IL1RAPL1: variants seen among roughly 807,000 people sequenced by gnomAD.
IL1RAPL1 encodes interleukin-1 receptor accessory protein-like 1.
Under a neutral mutation model 48.4 loss-of-function variants are expected in IL1RAPL1, and 3 were observed. The ratio of observed to expected loss-of-function variants is 0.06; its 90% CI spans 0.03 to 0.16. IL1RAPL1 has a LOEUF of 0.16. Ranked by LOEUF, IL1RAPL1 falls within the 10% of genes least tolerant of loss-of-function variation. The pLI is 1.00. For missense variants in IL1RAPL1, 349 were observed against 530.6 expected, an observed-to-expected ratio of 0.66 and a Z score of 3.36; for synonymous variants, 185 against 187.7, an observed-to-expected ratio of 0.99 and a Z score of 0.12.
intron 2 of IL1RAPL1, among the ~76,000 whole-genome samples, chrX:28,915,644 C>T (rs1923471185): frequency 9.0e-6 from 1 of 111,055 alleles, no homozygotes; most frequent in South Asian, 3.8e-4. Flanking sequence ...GAGATTTGAT[C>T]CCAACAGTGT....
intron 6 of IL1RAPL1, among the ~76,000 whole-genome samples, chrX:29,913,310 C>T (rs1176335818): frequency 1.8e-5 from 2 of 110,267 alleles, no homozygotes; most frequent in African/African-American, 6.6e-5. Context: ...CAAAGCACTG[C>T]TCAAATTGAC....
At chrX:29,036,502 G>A (rs948887007) in intron 2 of IL1RAPL1, among the ~76,000 whole-genome samples, 1 of 111,992 alleles carries the variant, frequency 8.9e-6, no homozygotes, top group Admixed American at 9.5e-5. Flanking sequence ...AAACAATTTG[G>A]TTTTAGTTTA....
chrX:28,750,872 C>T (rs1265969726), intron 1 of IL1RAPL1, among the ~76,000 whole-genome samples: 1 of 111,920 alleles, frequency 8.9e-6, no homozygotes, highest in Non-Finnish European at 1.9e-5. Flanking sequence ...AAATGTTTGT[C>T]AGTAGTACTG....
At chrX:29,853,977 T>A (rs1435252445) in intron 6 of IL1RAPL1, among the ~76,000 whole-genome samples, 1 of 112,315 alleles carries the variant, frequency 8.9e-6, no homozygotes, top group Non-Finnish European at 1.9e-5. Context: ...GTGACTAACG[T>A]ATTTTGTTTT....
chrX:29,392,013 C>T (rs1933860208), intron 3 of IL1RAPL1, among the ~76,000 whole-genome samples: 9 of 112,069 alleles, frequency 8.0e-5, no homozygotes, highest in Admixed American at 4.7e-4. Context: ...GTGGACCTCA[C>T]GGTCACCCTT....
At position 28,831,014 on chromosome X, in the gene IL1RAPL1, CTCTCTCTCTCTCTGTG is replaced by C. The variant is rs1921031131; in HGVS notation, c.82+41591_82+41606del. On this transcript the variant is annotated intron_variant, in intron 2 of 10. Transcript: ENST00000378993. ...GGTTTCTCTCTCTCTCTCTCTCTCT[CTCTCTCTCTCTCTGTG>C]TGTGTGTGTGTGTGTGTGTGTGTGT... Among the ~76,000 whole-genome samples the C allele has an allele frequency of 4.7e-5, 3 of 63,381 alleles. No individual in the cohort carries two copies. In the Admixed American group the frequency reaches 6.1e-4, roughly 13 times the overall value. 55.0% of individuals were successfully genotyped at this position (63,381 alleles called of 115,157 possible).
At position 28,844,755 on chromosome X, in the gene IL1RAPL1, CTA is replaced by C. The variant is rs748003559; in HGVS notation, c.82+55334_82+55335del. ...TTTAATAGAAACAAAGTATTTGTCT[CTA>C]TATTTTTATGGTTGAAAATGTGACT... On this transcript the variant is annotated intron_variant, in intron 2 of 10. Transcript: ENST00000378993. Among the ~76,000 whole-genome samples the C allele has an allele frequency of 1.1e-4, 12 of 111,100 alleles. No individual in the cohort carries two copies. In the East Asian group the frequency reaches 3.4e-3, roughly 32 times the overall value.
At chrX:29,373,867 AT>A (rs59750110) in intron 3 of IL1RAPL1, among the ~76,000 whole-genome samples, 41 of 21,642 alleles carry the variant, frequency 1.9e-3, no homozygotes, top group African/African-American at 6.4e-3. Context: ...TCTCTTTTTA[AT>A]TTTTTTTTTT....
At chrX:29,880,206 G>C (rs1931996768) in intron 6 of IL1RAPL1, among the ~76,000 whole-genome samples, 1 of 111,238 alleles carries the variant, frequency 9.0e-6, no homozygotes, top group African/African-American at 3.3e-5. Context: ...TTAAAAACGA[G>C]GGCATGATAT....
intron 2 of IL1RAPL1, chrX:28,982,872 C>G (rs1410231628): frequency 9.0e-6 from 1 of 110,581 alleles, no homozygotes; most frequent in Non-Finnish European, 1.9e-5. Flanking sequence ...ACCCGGTATT[C>G]CCAGGCACTC....
chrX:28,797,662 A>G (rs1936629206), intron 2 of IL1RAPL1, among the ~76,000 whole-genome samples: 2 of 111,655 alleles, frequency 1.8e-5, no homozygotes, highest in Admixed American at 9.5e-5. Context: ...ATTTTTGTCA[A>G]AGTCATTCAG....
At chrX:28,874,487 A>G (rs1030632810) in intron 2 of IL1RAPL1, among the ~76,000 whole-genome samples, 5 of 112,271 alleles carry the variant, frequency 4.5e-5, no homozygotes, top group African/African-American at 1.6e-4. Context: ...TGATAAAGAA[A>G]CATTCAATCA....
At chrX:28,825,334 G>A (rs1243518562) in intron 2 of IL1RAPL1, among the ~76,000 whole-genome samples, 1 of 111,292 alleles carries the variant, frequency 9.0e-6, no homozygotes, top group African/African-American at 3.3e-5. Context: ...CTTTGACAGA[G>A]AATGGCACAA....
intron 2 of IL1RAPL1, among the ~76,000 whole-genome samples, chrX:29,237,364 G>C (rs1327769716): frequency 8.9e-6 from 1 of 112,057 alleles, no homozygotes; most frequent in East Asian, 2.8e-4. Context: ...ACAGCTGCAA[G>C]CATAGTTAGT....
intron 2 of IL1RAPL1, among the ~76,000 whole-genome samples, chrX:28,913,141 G>T (rs1923401127): frequency 9.0e-6 from 1 of 111,376 alleles, no homozygotes; most frequent in African/African-American, 3.3e-5. Flanking sequence ...ATGAGCAAAA[G>T]GACTTAATAA....
At chrX:28,840,330 C>T (rs754877520) in intron 2 of IL1RAPL1, among the ~76,000 whole-genome samples, 8 of 110,668 alleles carry the variant, frequency 7.2e-5, no homozygotes, top group African/African-American at 2.6e-4. Context: ...ATTCAGATTT[C>T]ACCAGCAAGC....
intron 5 of IL1RAPL1, among the ~76,000 whole-genome samples, chrX:29,604,313 C>A (rs6526902): frequency 0.37 from 41,313 of 111,179 alleles, 5,722 homozygotes; most frequent in South Asian, 0.56. Context: ...ACTTTGAAAA[C>A]TTTTTGATAA....
At chrX:28,979,626 A>G (rs1925282366) in intron 2 of IL1RAPL1, among the ~76,000 whole-genome samples, 1 of 111,707 alleles carries the variant, frequency 9.0e-6, no homozygotes, top group Non-Finnish European at 1.9e-5. Context: ...ATTAGCCTTA[A>G]TCTGATAGCA....
intron 6 of IL1RAPL1, among the ~76,000 whole-genome samples, chrX:29,748,969 ATC>A (rs1928397070): frequency 8.9e-6 from 1 of 112,958 alleles, no homozygotes; most frequent in South Asian, 3.6e-4. Flanking sequence ...AGATGACTTC[ATC>A]ATTTAAAGAA....
Sources: allele counts gnomAD v4.1 joint callset (sites outside exome capture counted in the v4.1 genomes callset), GRCh38; gene constraint gnomAD v4.1.1; transcripts MANE v1.5; gene names NCBI Gene and HGNC (gene_info 2026-07-23, HGNC 2026-07-21).